The following PPP1R1C variants were observed in gnomAD, a reference collection of about 807,000 sequenced individuals.
PPP1R1C encodes protein phosphatase 1 regulatory subunit 1C.
In PPP1R1C, 15 loss-of-function variants were observed where a neutral mutation model predicts 17.4. The observed-to-expected ratio is 0.86, with a 90% CI of 0.58 to 1.33. The LOEUF is 1.33. Ranked by LOEUF, PPP1R1C falls within the 40% of genes most tolerant of loss-of-function variation. The pLI, the probability that PPP1R1C is intolerant of heterozygous loss-of-function variation, is 0.00. For synonymous variants in PPP1R1C, 35 were observed against 43.1 expected (o/e 0.81, Z 0.73); for missense variants, 143 against 130.0 (o/e 1.10, Z -0.48).
intron 4 of PPP1R1C, among the ~76,000 whole-genome samples, chr2:182,064,852 G>T (rs1687943561): frequency 6.6e-6 from 1 of 151,936 alleles, no homozygotes; most frequent in Non-Finnish European, 1.5e-5. Context: ...AAGTGATTTT[G>T]TACTTTCAAG....
intron 4 of PPP1R1C, among the ~76,000 whole-genome samples, chr2:182,088,639 TG>T (rs1225206061): frequency 1.3e-5 from 2 of 152,072 alleles, no homozygotes; most frequent in Non-Finnish European, 2.9e-5. Flanking sequence ...GCAAGGCTAA[TG>T]GGGGGTTTGG....
chr2:182,068,722 C>CA (rs768982630), intron 4 of PPP1R1C, among the ~76,000 whole-genome samples: 3 of 152,040 alleles, frequency 2.0e-5, no homozygotes, highest in Non-Finnish European at 4.4e-5. Flanking sequence ...CCTTGCAGTT[C>CA]AAAAAAGTTG....
At chr2:182,026,607 C>G (rs2125167216) in intron 2 of PPP1R1C, among the ~76,000 whole-genome samples, 1 of 152,116 alleles carries the variant, frequency 6.6e-6, no homozygotes, top group East Asian at 1.9e-4. Flanking sequence ...GTTTTGGTTA[C>G]TGTAGGCTTG....
intron 2 of PPP1R1C, among the ~76,000 whole-genome samples, chr2:182,060,966 C>G (rs1172902021): frequency 1.3e-5 from 2 of 152,130 alleles, no homozygotes; most frequent in Non-Finnish European, 2.9e-5. Context: ...GCAATTAGTT[C>G]TTTCCAGATA....
intron 1 of PPP1R1C, among the ~76,000 whole-genome samples, chr2:181,986,844 G>A (rs545436803): frequency 6.6e-6 from 1 of 152,242 alleles, no homozygotes; most frequent in African/African-American, 2.4e-5. Context: ...GATTCTTGAT[G>A]CAATGGCATC....
At chr2:182,105,749 C>T (rs927172432) in intron 4 of PPP1R1C, among the ~76,000 whole-genome samples, 44 of 152,256 alleles carry the variant, frequency 2.9e-4, no homozygotes, top group African/African-American at 7.7e-4. Flanking sequence ...GCAGGAGAAA[C>T]GCAGTAGCTG....
At chr2:181,980,789 T>A (rs1574349569) in intron 2 of PPP1R1C, among the ~76,000 whole-genome samples, 1 of 152,328 alleles carries the variant, frequency 6.6e-6, no homozygotes, top group East Asian at 1.9e-4. Flanking sequence ...ATACTGAGTA[T>A]GTAACACACT....
chr2:182,124,601 G>A (rs1689828782), intron 5 of PPP1R1C, among the ~76,000 whole-genome samples: 1 of 151,990 alleles, frequency 6.6e-6, no homozygotes, highest in Non-Finnish European at 1.5e-5. Flanking sequence ...TCTCCTTAGA[G>A]AGGTCCTTCA....
chr2:182,064,047 G>T (rs1559078033), intron 4 of PPP1R1C: 2 of 429,026 alleles, frequency 4.7e-6, no homozygotes, highest in East Asian at 3.6e-5. Context: ...TAATGACAAA[G>T]ATTTTTTTTT....
At position 181,961,593 on chromosome 2, in the gene PPP1R1C, G is replaced by A. The variant is rs1684795570; in HGVS notation, n.111+6959G>A. 4.0e-6 allele frequency: 3 copies of A among 742,808 alleles called. No homozygotes were observed. Among genetic ancestry groups the A allele is most frequent in the Non-Finnish European group, 4.8e-6 (2 of 413,952 alleles). 46.0% of individuals were successfully genotyped at this position (742,808 alleles called of 1,614,324 possible). ...ACTGGACTGTACGTCTCAGCTCCGT[G>A]AGCGTCATCTCAGCATCTCCAACCT... is the stretch of plus-strand genomic sequence containing the variant. On this transcript the variant is annotated intron_variant and non_coding_transcript_variant, in intron 1 of 5. Transcript: ENST00000464264. This position sits in a 1 kb window ranked among gnomAD's most constrained non-coding sequence, Gnocchi z 5.8.
intron 2 of PPP1R1C, among the ~76,000 whole-genome samples, chr2:182,026,390 G>T (rs1209437803): frequency 1.4e-5 from 2 of 138,670 alleles, no homozygotes; most frequent in African/African-American, 5.4e-5. Context: ...TTTTGTATAA[G>T]GTGTAAGGAA....
Position 182,117,396 on chromosome 2 carries a change from C to T in PPP1R1C, c.*101C>T. The T allele has an allele frequency of 1.3e-6, 1 of 792,972 alleles. No individual in the cohort carries two copies. The highest frequency in any genetic ancestry group is 1.7e-5 in the South Asian group (1 of 58,382). The allele number at this position is 792,972 out of a possible 1,614,324, so 49.1% of individuals were successfully genotyped here. A position where few individuals can be genotyped will look rare whatever the true frequency, so the allele number is the denominator to read the frequency against. On this transcript the variant is annotated 3_prime_UTR_variant, in exon 5 of 5. Transcript: ENST00000682840. Reference sequence around the variant, plus strand: ...CTGCTTGACTTCCAGAAGCATCCTCCATCTCTGCACCCCACACTCATACAG... The same window carrying T: ...CTGCTTGACTTCCAGAAGCATCCTCTATCTCTGCACCCCACACTCATACAG...
chr2:182,119,454 A>C (rs1004257135), downstream of PPP1R1C, among the ~76,000 whole-genome samples: 40 of 152,236 alleles, frequency 2.6e-4, no homozygotes, highest in African/African-American at 9.6e-4. Context: ...TGGTATTTCT[A>C]CTTCTAGATC....
chr2:182,068,114 T>A (rs1688039622), intron 4 of PPP1R1C, among the ~76,000 whole-genome samples: 1 of 152,138 alleles, frequency 6.6e-6, no homozygotes, highest in Non-Finnish European at 1.5e-5. Context: ...CTTTTTGCTT[T>A]AGTGTGTTTG....
At chr2:182,114,274 G>T (rs1416247381) in intron 4 of PPP1R1C, among the ~76,000 whole-genome samples, 1 of 152,112 alleles carries the variant, frequency 6.6e-6, no homozygotes, top group African/African-American at 2.4e-5. Flanking sequence ...GCAGGGGAGG[G>T]ATTTCCCTGA....
intron 3 of PPP1R1C, 114 bp downstream of exon 3, chr2:182,061,593 G>T (rs1687853013): frequency 1.8e-6 from 1 of 555,122 alleles, no homozygotes; most frequent in Admixed American, 4.0e-5. Flanking sequence ...ACTTTAGATT[G>T]CTCCTTCTGA....
intron 4 of PPP1R1C, among the ~76,000 whole-genome samples, chr2:182,102,460 AT>A (rs1363661152): frequency 6.6e-6 from 1 of 152,132 alleles, no homozygotes; most frequent in East Asian, 1.9e-4. Context: ...TATCAATTCT[AT>A]TTTTTTCTCA....
chr2:182,072,875 C>G (rs903214953), intron 4 of PPP1R1C, among the ~76,000 whole-genome samples: 1 of 152,220 alleles, frequency 6.6e-6, no homozygotes, highest in Non-Finnish European at 1.5e-5. Context: ...CTCTCCCAGA[C>G]AGCTGACCAC....
At chr2:182,013,104 C>T (rs1168447898) in intron 2 of PPP1R1C, among the ~76,000 whole-genome samples, 1 of 152,038 alleles carries the variant, frequency 6.6e-6, no homozygotes, top group African/African-American at 2.4e-5. Context: ...TTTCTGTGTA[C>T]TTACCATTTC....
Sources: allele counts gnomAD v4.1 joint callset (sites outside exome capture counted in the v4.1 genomes callset), GRCh38; gene constraint gnomAD v4.1.1; non-coding constraint Gnocchi (gnomAD v3.1); transcripts MANE v1.5; gene names NCBI Gene and HGNC (gene_info 2026-07-23, HGNC 2026-07-21).